FAM111A: variants seen among roughly 807,000 people sequenced by gnomAD.
The protein encoded by FAM111A is serine protease FAM111A.
A neutral mutation model predicts 3.3 loss-of-function variants in FAM111A; 8 were observed. The ratio of observed to expected loss-of-function variants is 2.39; its 90% CI spans 1.40 to 4.32. FAM111A has a LOEUF of 4.32. Ranked by LOEUF, FAM111A falls within the 30% of genes most tolerant of loss-of-function variation. FAM111A has a pLI of 0.00. For synonymous variants in FAM111A, 227 were observed against 243.1 expected, an observed-to-expected ratio of 0.93 and a Z score of 0.62; for missense variants, 683 against 727.6, an observed-to-expected ratio of 0.94 and a Z score of 0.71.
intron 5 of FAM111A, chr11:59,149,281 G>C (rs890992908): frequency 4.5e-6 from 1 of 222,908 alleles, no homozygotes; most frequent in African/African-American, 2.3e-5. Context: ...ATCTGCAGTT[G>C]GTTGAACCCA....
Position 59,152,420 on chromosome 11 carries a change from A to C in FAM111A, c.752A>C (p.Glu251Ala), listed in dbSNP as rs753968377. The change falls in exon 6 of 6, where the codon GAA (glutamate) becomes GCA (alanine). Residue 251 changes from glutamate (E) to alanine (A), a missense_variant. Physicochemically the swap from Glu to Ala is moderately radical, Grantham distance 107. Coordinates refer to ENST00000675163, the MANE Select transcript of FAM111A (RefSeq NM_001312909.2). ...KLIENNDTIL[E>A]STQPVDELEG... Reference sequence around the variant, plus strand: ...ATTGAAAACAATGACACCATTTTAGAAAGCACCCAGCCAGTTGATGAATTA... The same window carrying C: ...ATTGAAAACAATGACACCATTTTAGCAAGCACCCAGCCAGTTGATGAATTA... The C allele has an allele frequency of 6.2e-7, 1 of 1,614,158 alleles. No homozygotes were observed. Among genetic ancestry groups the C allele is most frequent in the Admixed American group, 1.7e-5 (1 of 60,022 alleles).
rs1443237719 is a variant in FAM111A, at chr11:59,152,039, A to C, written c.371A>C (p.Gln124Pro). 6.2e-7 allele frequency: 1 copy of C among 1,614,240 alleles called. No homozygotes were observed. The highest frequency in any genetic ancestry group is 8.5e-7 in the Non-Finnish European group (1 of 1,180,034). Residue 124 changes from glutamine to proline, a missense_variant, in exon 6 of 6, where the codon CAA (glutamine) becomes CCA (proline). By Grantham distance (76) the Gln-to-Pro change is moderately conservative (BLOSUM62 -1). Around this residue, in one of 3 missense-constraint regions of FAM111A, gnomAD observed 557 missense variants for 600.2 expected, o/e 0.93. Transcript: ENST00000675163. ...VRKEIETHQG[Q>P]EMLVRGTEGI... ...AAAGAGATAGAAACTCACCAAGGCC[A>C]AGAAATGCTTGTGCGTGGCACAGAA...
At position 59,154,352 on chromosome 11, in the gene FAM111A, A is replaced by T. The variant is rs772704782; in HGVS notation, c.*848A>T. The T allele has an allele frequency of 6.6e-6, 1 of 152,228 alleles. No individual in the cohort carries two copies. The highest frequency in any genetic ancestry group is 2.4e-5 in the African/African-American group (1 of 41,460). The allele number at this position is 152,228 out of a possible 1,614,324, so 9.4% of individuals were successfully genotyped here. On this transcript the variant is annotated 3_prime_UTR_variant, in exon 6 of 6. Transcript: ENST00000675163. Reference sequence around the variant, plus strand: ...CATATTACTGAAACTGTCGGAATATATGGGTCTTGAAATTCAGAAGATGAT... The same window carrying T: ...CATATTACTGAAACTGTCGGAATATTTGGGTCTTGAAATTCAGAAGATGAT...
At chr11:59,149,555 C>T (rs1861389420) in intron 5 of FAM111A, among the ~76,000 whole-genome samples, 1 of 152,106 alleles carries the variant, frequency 6.6e-6, no homozygotes, top group Non-Finnish European at 1.5e-5. Flanking sequence ...ACAAAAACTT[C>T]AATACAATAT....
intron 5 of FAM111A, among the ~76,000 whole-genome samples, chr11:59,149,645 T>C (rs536687115): frequency 2.6e-5 from 4 of 152,348 alleles, no homozygotes; most frequent in African/African-American, 9.6e-5. Context: ...ACGTGGCTGA[T>C]CTATTCAATT....
Position 59,154,117 on chromosome 11 carries a change from T to C in FAM111A, c.*613T>C, listed in dbSNP as rs1862058269. On this transcript the variant is annotated 3_prime_UTR_variant, in exon 6 of 6. Transcript: ENST00000675163. ...TATAGTCATAGGGTTTTTTCATCTT[T>C]CATATCTTTGCCTAAATTCATTTGC... 2.0e-5 allele frequency: 3 copies of C among 152,172 alleles called. No homozygotes were observed. In the South Asian group the frequency reaches 6.2e-4, roughly 31 times the overall value. The allele number at this position is 152,172 out of a possible 1,614,324, so 9.4% of individuals were successfully genotyped here. A position where few individuals can be genotyped will look rare whatever the true frequency, so the allele number is the denominator to read the frequency against.
At position 59,152,787 on chromosome 11, in the gene FAM111A, T is replaced by G. The variant is rs901891770; in HGVS notation, c.1119T>G (p.Phe373Leu). The change falls in exon 6 of 6, where the codon TTT becomes TTG. Residue 373 changes from phenylalanine to leucine, a missense_variant. Physicochemically the swap from Phe to Leu is conservative, Grantham distance 22 (BLOSUM62 0). Around this residue, in one of 3 missense-constraint regions of FAM111A, gnomAD observed 557 missense variants for 600.2 expected, o/e 0.93. Coordinates refer to ENST00000675163, the MANE Select transcript of FAM111A (RefSeq NM_001312909.2). ...CAACTACGGGTTACGCCACCTGCTT[T>G]GTTTTTAAAGGATTGTTCATTTTAA... ...DSATTGYATCFVFKGLFILTC... is the reference protein window; with the variant it reads ...DSATTGYATCLVFKGLFILTC... 5 of 1,614,214 alleles carry G rather than the reference T, an allele frequency of 3.1e-6. No homozygotes were observed. Among genetic ancestry groups the G allele is most frequent in the Middle Eastern group, 1.6e-4 (1 of 6,062 alleles).
rs547317452 is a variant in FAM111A, at chr11:59,152,666, C to T, written c.998C>T (p.Thr333Met). Reference sequence around the variant, plus strand: ...ACATTATTTGAATTGCATAGAACAACGTTTGGGAAAGTAACAAAAAATTCT... The same window carrying T: ...ACATTATTTGAATTGCATAGAACAATGTTTGGGAAAGTAACAAAAAATTCT... Reference protein sequence around the residue: ...GETLFELHRTTFGKVTKNSSS... With the variant: ...GETLFELHRTMFGKVTKNSSS... Residue 333 changes from threonine (T) to methionine (M), a missense_variant, in exon 6 of 6, where the codon ACG becomes ATG. By Grantham distance (81) the Thr-to-Met change is moderately conservative (BLOSUM62 -1). This residue lies in a region of FAM111A where 557 missense variants were observed against 600.2 expected (regional missense o/e 0.93). Coordinates refer to ENST00000675163, the MANE Select transcript of FAM111A (RefSeq NM_001312909.2). The T allele has an allele frequency of 1.1e-5, 17 of 1,613,980 alleles. No homozygotes were observed. In the Admixed American group the frequency reaches 1.2e-4, roughly 11 times the overall value.
In FAM111A at chr11:59,153,229, C is replaced by T; in HGVS notation, c.1561C>T (p.Gln521Ter). 6.2e-7 allele frequency: 1 copy of T among 1,614,106 alleles called. No individual in the cohort carries two copies. Among genetic ancestry groups the T allele is most frequent in the Non-Finnish European group, 8.5e-7 (1 of 1,180,032 alleles). ...CCATATGTATACTCAAAGAAGTTTC[C>T]AGAAAATAGTTCACAACCCTGATGT... Reference protein sequence around the residue: ...YVHMYTQRSFQKIVHNPDVIT... With the variant: ...YVHMYTQRSF The change falls in exon 6 of 6, where the codon CAG becomes TAG. Residue 521 changes from glutamine (Q) to a stop codon, truncating the protein, a stop_gained. Transcript: ENST00000675163. LOFTEE classifies it low-confidence loss of function (END_TRUNC).
Position 59,152,205 on chromosome 11 carries a change from T to A in FAM111A, c.537T>A (p.Thr179=). The change falls in exon 6 of 6, where the codon ACT becomes ACA. Residue 179 remains threonine (T), a synonymous_variant. Coordinates refer to ENST00000675163, the MANE Select transcript of FAM111A (RefSeq NM_001312909.2). ...HIFGRQDKAS[T]ECVKFYIHAI... is the part of the protein sequence containing the mutation. ...TTGGCAGGCAGGACAAAGCATCGAC[T>A]GAATGTGTCAAATTTTACATTCATG... is the stretch of plus-strand genomic sequence containing the variant. 2.5e-6 allele frequency: 4 copies of A among 1,614,176 alleles called. No individual in the cohort carries two copies. The highest frequency in any genetic ancestry group is 3.4e-6 in the Non-Finnish European group (4 of 1,180,030).
rs751728258 is a variant in FAM111A at position 59,151,731 on chromosome 11, A to G, written c.82-19A>G. On this transcript the variant is annotated intron_variant, in intron 5 of 5. Coordinates refer to ENST00000675163, the MANE Select transcript of FAM111A (RefSeq NM_001312909.2). ...CGGGTTGCATTCAGAGTTTTAAAGT[A>G]TCTAACATTTATTTTTAGGTCTCTA... 3.3e-6 allele frequency: 5 copies of G among 1,533,766 alleles called. No individual in the cohort carries two copies. The highest frequency in any genetic ancestry group is 1.4e-5 in the African/African-American group (1 of 71,668).
Position 59,152,177 on chromosome 11 carries a change from T to G in FAM111A, c.509T>G (p.Ile170Arg). ...AGTAAGCAGAAGGAAGATAACCACA[T>G]ATTTGGCAGGCAGGACAAAGCATCG... ...SKSKQKEDNH[I>R]FGRQDKASTE... The change falls in exon 6 of 6, where the codon ATA becomes AGA. Residue 170 changes from isoleucine to arginine, a missense_variant. Transcript: ENST00000675163. 1 of 1,614,170 alleles carries G rather than the reference T, an allele frequency of 6.2e-7. No homozygotes were observed. Among genetic ancestry groups the G allele is most frequent in the Non-Finnish European group, 8.5e-7 (1 of 1,180,038 alleles).
chr11:59,147,710 AT>A (rs1188141500), intron 4 of FAM111A, among the ~76,000 whole-genome samples: 6 of 152,254 alleles, frequency 3.9e-5, no homozygotes. Flanking sequence ...TGGCAAAAAA[AT>A]GAACAATTAA....
rs111571211 is a variant in FAM111A at position 59,153,409 on chromosome 11, A to G, written c.1741A>G (p.Ile581Val). Reference sequence around the variant, plus strand: ...TGAGTTTGGCTCTACCATGGAATCCATCCTCCTTGATATTAAGCAAAGACA... The same window carrying G: ...TGAGTTTGGCTCTACCATGGAATCCGTCCTCCTTGATATTAAGCAAAGACA... The part of the protein sequence containing the change: ...IIEFGSTMES[I>V]LLDIKQRHKP... Residue 581 changes from isoleucine (I) to valine (V), a missense_variant, in exon 6 of 6, where the codon ATC becomes GTC. By Grantham distance (29) the Ile-to-Val change is conservative. Coordinates refer to ENST00000675163, the MANE Select transcript of FAM111A (RefSeq NM_001312909.2). 31 of 1,614,128 alleles carry G rather than the reference A, an allele frequency of 1.9e-5. No individual in the cohort carries two copies. In the Middle Eastern group the frequency reaches 4.9e-4, roughly 26 times the overall value.
chr11:59,145,698 A>G (rs1860771413), intron 3 of FAM111A, 129 bp from the exon 4 acceptor site: 1 of 152,322 alleles, frequency 6.6e-6, no homozygotes, highest in South Asian at 2.1e-4. Flanking sequence ...ACTTCGTAAG[A>G]TGAGACATCA....
Position 59,153,409 on chromosome 11 carries a change from ATCC to A in FAM111A, c.1746_1748del (p.Leu583del). 1.2e-6 allele frequency: 2 copies of A among 1,614,128 alleles called. No homozygotes were observed. The highest frequency in any genetic ancestry group is 1.1e-5 in the South Asian group (1 of 91,084). Reference sequence around the variant, plus strand: ...TGAGTTTGGCTCTACCATGGAATCCATCCTCCTTGATATTAAGCAAAGACATAA... The same window carrying A: ...TGAGTTTGGCTCTACCATGGAATCCATCCTTGATATTAAGCAAAGACATAA... On this transcript the variant is annotated inframe_deletion, in exon 6 of 6. Coordinates refer to ENST00000675163, the MANE Select transcript of FAM111A (RefSeq NM_001312909.2).
intron 2 of FAM111A, 92 bp from the exon 3 acceptor site, chr11:59,143,405 C>T (rs1036684215): frequency 1.3e-5 from 2 of 152,170 alleles, no homozygotes; most frequent in African/African-American, 2.4e-5. Context: ...ATCTGCACTC[C>T]TGCGGGCTTT....
chr11:59,144,690 C>G (rs2135425489), intron 3 of FAM111A: 1 of 152,382 alleles, frequency 6.6e-6, no homozygotes, highest in Middle Eastern at 3.4e-3. Flanking sequence ...AGGTTTAGGC[C>G]GGAAGAGGCA....
At position 59,153,689 on chromosome 11, in the gene FAM111A, T is replaced by G. The variant is rs1862007731; in HGVS notation, c.*185T>G. ...GTCCTAACAACACTATGAGATGGAC[T>G]ATAACTTGCCCAAATTTTTTTTTTT... On this transcript the variant is annotated 3_prime_UTR_variant, in exon 6 of 6. Transcript: ENST00000675163. The G allele has an allele frequency of 1.9e-6, 1 of 514,832 alleles. No individual in the cohort carries two copies. Among genetic ancestry groups the G allele is most frequent in the Admixed American group, 3.8e-5 (1 of 26,242 alleles). 31.9% of individuals were successfully genotyped at this position (514,832 alleles called of 1,614,324 possible).
Sources: allele counts gnomAD v4.1 joint callset (sites outside exome capture counted in the v4.1 genomes callset), GRCh38; gene constraint gnomAD v4.1.1; regional missense constraint gnomAD v4.1.1; transcripts MANE v1.5; gene names NCBI Gene and HGNC (gene_info 2026-07-23, HGNC 2026-07-21).